The following CAST variants were observed in gnomAD, a reference collection of about 807,000 sequenced individuals.
CAST encodes MIR583 host.
A neutral mutation model predicts 119.6 loss-of-function variants in CAST; 76 were observed. The observed-to-expected ratio is 0.64, with a 90% confidence interval of 0.53 to 0.77. The LOEUF is 0.77. Ranked by LOEUF, CAST falls within the 30% of genes least tolerant of loss-of-function variation. The probability of loss-of-function intolerance (pLI) is 0.00; values close to 1 mark genes in which losing one functional copy is unlikely to be tolerated. For synonymous variants in CAST, 319 were observed against 331.6 expected (o/e 0.96, Z 0.41); for missense variants, 953 against 946.5 (o/e 1.01, Z -0.09).
At chr5:96,641,535 G>T (rs1747950030) in intron 1 of CAST, among the ~76,000 whole-genome samples, 1 of 152,168 alleles carries the variant, frequency 6.6e-6, no homozygotes, top group Non-Finnish European at 1.5e-5. Flanking sequence ...AATGTTTACA[G>T]TGCTTGATGG....
At position 96,754,758 on chromosome 5, in the gene CAST, C is replaced by A. The variant is rs558350186; in HGVS notation, c.1710+17C>A. 1.2e-5 allele frequency: 17 copies of A among 1,427,446 alleles called. No homozygotes were observed. In the Admixed American group the frequency reaches 2.8e-4, roughly 23 times the overall value. The allele number at this position is 1,427,446 out of a possible 1,614,324, so 88.4% of individuals were successfully genotyped here. A position where few individuals can be genotyped will look rare whatever the true frequency, so the allele number is the denominator to read the frequency against. ...GAGGTCAAGGTAAACAGGCTGGAGT[C>A]TTTTTCTATTTTATTTTAATTCATA... On this transcript the variant is annotated intron_variant, in intron 22 of 31. Transcript: ENST00000675179.
intron 1 of CAST, 74 bp from the exon 2 acceptor site, chr5:96,675,465 A>C: frequency 1.9e-6 from 2 of 1,049,120 alleles, no homozygotes; most frequent in Non-Finnish European, 3.0e-6. Flanking sequence ...GTATGCATTT[A>C]GCCTTTGGGG....
chr5:96,065,755 C>T, the CAST span, among the ~76,000 whole-genome samples: 2 of 152,124 alleles, frequency 1.3e-5, no homozygotes, highest in East Asian at 3.9e-4. Flanking sequence ...AGTGAATTCT[C>T]TTTGTGCTGA....
chr5:96,149,189 G>A, the CAST span, among the ~76,000 whole-genome samples: 1 of 152,212 alleles, frequency 6.6e-6, no homozygotes, highest in Non-Finnish European at 1.5e-5. Flanking sequence ...TTGTCTGTGA[G>A]GAAGCTGTGT....
chr5:96,107,282 A>T, the CAST span, among the ~76,000 whole-genome samples: 1 of 150,708 alleles, frequency 6.6e-6, no homozygotes, highest in Non-Finnish European at 1.5e-5. Context: ...TTAGCTGGTT[A>T]TTTTGCTCAT....
At chr5:96,274,258 T>C in the CAST span, among the ~76,000 whole-genome samples, 6 of 151,902 alleles carry the variant, frequency 3.9e-5, no homozygotes, top group African/African-American at 9.7e-5. Flanking sequence ...CCCACCACCA[T>C]GCCTGGCTAA....
the CAST span, among the ~76,000 whole-genome samples, chr5:96,104,244 TC>T: frequency 6.6e-6 from 1 of 152,232 alleles, no homozygotes; most frequent in African/African-American, 2.4e-5. Context: ...TTTAATTACA[TC>T]CCATTTGTCA....
the CAST span, among the ~76,000 whole-genome samples, chr5:96,367,158 C>T: frequency 1.3e-5 from 2 of 152,122 alleles, no homozygotes; most frequent in Non-Finnish European, 2.9e-5. Context: ...TAACAGCAAA[C>T]ACTGCTGCCT....
chr5:96,424,572 A>C, the CAST span, among the ~76,000 whole-genome samples: 2 of 152,238 alleles, frequency 1.3e-5, no homozygotes, highest in African/African-American at 2.4e-5. Context: ...AAAATGAATT[A>C]ATTCATATCA....
intron 1 of CAST, among the ~76,000 whole-genome samples, chr5:96,638,780 A>C (rs1451679400): frequency 6.6e-6 from 1 of 152,220 alleles, no homozygotes; most frequent in Non-Finnish European, 1.5e-5. Flanking sequence ...ATGGGCCTCA[A>C]AATTTTGTGT....
the CAST span, among the ~76,000 whole-genome samples, chr5:96,188,893 A>G: frequency 6.6e-6 from 1 of 152,182 alleles, no homozygotes; most frequent in East Asian, 1.9e-4. Context: ...ACACTTTTTA[A>G]AAGGTGTATC....
At chr5:96,118,052 G>A in the CAST span, among the ~76,000 whole-genome samples, 1 of 152,168 alleles carries the variant, frequency 6.6e-6, no homozygotes, top group African/African-American at 2.4e-5. Flanking sequence ...ATAAGGATAC[G>A]TTTGCTGTAG....
chr5:96,443,386 C>T, the CAST span, among the ~76,000 whole-genome samples: 1 of 152,176 alleles, frequency 6.6e-6, no homozygotes, highest in Non-Finnish European at 1.5e-5. Context: ...GCCAGGCACT[C>T]CAAGAACAAT....
At chr5:96,068,354 C>T in the CAST span, among the ~76,000 whole-genome samples, 13 of 152,160 alleles carry the variant, frequency 8.5e-5, no homozygotes, top group African/African-American at 2.9e-4. Context: ...GAATAAGAAG[C>T]AGGATTCTTG....
chr5:96,340,295 G>T, the CAST span, among the ~76,000 whole-genome samples: 1 of 152,156 alleles, frequency 6.6e-6, no homozygotes, highest in Non-Finnish European at 1.5e-5. Context: ...TTTCAGCTCA[G>T]GTCCTTTTGT....
the CAST span, among the ~76,000 whole-genome samples, chr5:95,970,936 T>C: frequency 2.6e-4 from 40 of 152,312 alleles, no homozygotes; most frequent in Non-Finnish European, 5.3e-4. Flanking sequence ...TATAATTTGA[T>C]TTACCTGCAA....
At chr5:96,729,291 T>G in intron 7 of CAST, 82 bp downstream of exon 7, 10 of 799,474 alleles carry the variant, frequency 1.3e-5, no homozygotes, top group Non-Finnish European at 1.5e-5. Flanking sequence ...AATTCAAAAC[T>G]AATCCCTACA....
At chr5:96,349,386 A>G in the CAST span, among the ~76,000 whole-genome samples, 1 of 151,920 alleles carries the variant, frequency 6.6e-6, no homozygotes, top group African/African-American at 2.4e-5. Context: ...TCTCTGTGGC[A>G]TGATTATTTT....
At chr5:95,975,002 G>A in the CAST span, among the ~76,000 whole-genome samples, 1 of 152,166 alleles carries the variant, frequency 6.6e-6, no homozygotes, top group African/African-American at 2.4e-5. Flanking sequence ...ATGCCATGAA[G>A]GAGGAGGACT....
Sources: gnomAD v4.1 joint callset for allele counts (sites outside exome capture counted in the v4.1 genomes callset) on GRCh38, gnomAD v4.1.1 for gene constraint, MANE v1.5 for transcripts, NCBI Gene and HGNC (gene_info 2026-07-23, HGNC 2026-07-21) for gene names.